SEC24B: variants seen among roughly 807,000 people sequenced by gnomAD.
The protein encoded by SEC24B is SEC24 homolog B, COPII component, also known as protein transport protein Sec24B.
Under a neutral mutation model 142.8 loss-of-function variants are expected in SEC24B, and 45 were observed. The ratio of observed to expected loss-of-function variants is 0.32; its 90% CI spans 0.25 to 0.40. The LOEUF (loss-of-function observed/expected upper bound fraction) is 0.40. SEC24B is among the 10% of genes least tolerant of loss of function. The pLI, the probability that SEC24B is intolerant of heterozygous loss-of-function variation, is 1.00. For synonymous variants in SEC24B, 574 were observed against 568.2 expected (o/e 1.01, Z -0.15); for missense variants, 1,409 against 1,526.8 (o/e 0.92, Z 1.29).
chr4:109,446,399 G>C (rs1416539080), intron 1 of SEC24B, among the ~76,000 whole-genome samples: 2 of 152,234 alleles, frequency 1.3e-5, no homozygotes, highest in Admixed American at 6.5e-5. Context: ...TGTCTCTTCA[G>C]AGTGTCCAAA....
At chr4:109,452,409 G>A (rs748030850) in intron 1 of SEC24B, among the ~76,000 whole-genome samples, 2 of 152,190 alleles carry the variant, frequency 1.3e-5, no homozygotes, top group Non-Finnish European at 2.9e-5. Context: ...CTGTGTGAAC[G>A]CAAGTTTGCA....
chr4:109,510,092 A>G lies in SEC24B; in HGVS notation c.1757A>G (p.His586Arg), dbSNP rs1328106798. The change falls in exon 8 of 24, where the codon CAT becomes CGT. Residue 586 changes from histidine to arginine, a missense_variant. His to Arg is a conservative substitution (Grantham distance 29). Around this residue, in one of 2 missense-constraint regions of SEC24B, gnomAD observed 700 missense variants for 853.3 expected, o/e 0.82. Transcript: ENST00000265175. ...KAKLPLGLLL[H>R]PFRDLTQLPV... Reference sequence around the variant, plus strand: ...AAGCTTCCTTTAGGATTGTTGTTACATCCCTTCAGAGACCTAACGGTAAAG... The same window carrying G: ...AAGCTTCCTTTAGGATTGTTGTTACGTCCCTTCAGAGACCTAACGGTAAAG... 6.2e-7 allele frequency: 1 copy of G among 1,600,886 alleles called. No individual in the cohort carries two copies. Among genetic ancestry groups the G allele is most frequent in the African/African-American group, 1.3e-5 (1 of 74,498 alleles).
At chr4:109,434,941 G>T (rs1005974804) in intron 1 of SEC24B, among the ~76,000 whole-genome samples, 5 of 152,214 alleles carry the variant, frequency 3.3e-5, no homozygotes, top group Non-Finnish European at 7.3e-5. Context: ...TAGGGGCCAA[G>T]GGTGGAGGAA....
chr4:109,463,179 GCAT>G lies in SEC24B; in HGVS notation c.414_416del (p.Ser140del). 6.2e-7 allele frequency: 1 copy of G among 1,614,160 alleles called. No homozygotes were observed. On this transcript the variant is annotated inframe_deletion, in exon 2 of 24. Transcript: ENST00000265175. ...CACTCTAGGATCTTTCCAAGGTGCT[GCAT>G]CGTCAGCATCCCATTTGCATACGAG...
intron 2 of SEC24B, among the ~76,000 whole-genome samples, chr4:109,472,416 C>T (rs527286101): frequency 6.6e-6 from 1 of 152,270 alleles, no homozygotes; most frequent in South Asian, 2.1e-4. Context: ...GCACTTTATT[C>T]CAGAAGTTCA....
Position 109,463,029 on chromosome 4 carries a change from G to A in SEC24B, c.262G>A (p.Gly88Ser), listed in dbSNP as rs755833176. ...CTCATTGCCATTGGATACCCAGTGT[G>A]GTGATTACTACTCTGCTCTCTATAC... ...MTSLPLDTQC[G>S]DYYSALYTVP... is the part of the protein sequence containing the mutation. Residue 88 changes from glycine to serine, a missense_variant, in exon 2 of 24, where the codon GGT becomes AGT. Physicochemically the swap from Gly to Ser is moderately conservative, Grantham distance 56. This residue lies in a region of SEC24B where 709 missense variants were observed against 673.5 expected (regional missense o/e 1.05). Coordinates refer to ENST00000265175, the MANE Select transcript of SEC24B (RefSeq NM_006323.5). 8 of 1,614,074 alleles carry A rather than the reference G, an allele frequency of 5.0e-6. No individual in the cohort carries two copies. Among genetic ancestry groups the A allele is most frequent in the Non-Finnish European group, 5.9e-6 (7 of 1,179,970 alleles).
At position 109,531,467 on chromosome 4, in the gene SEC24B, A is replaced by G; in HGVS notation, c.3335A>G (p.His1112Arg). The G allele has an allele frequency of 1.2e-6, 2 of 1,611,586 alleles. No individual in the cohort carries two copies. Among genetic ancestry groups the G allele is most frequent in the Non-Finnish European group, 1.7e-6 (2 of 1,177,668 alleles). Reference protein sequence around the residue: ...MCQIKSQPLVHLMKMIHPNLY... With the variant: ...MCQIKSQPLVRLMKMIHPNLY... ...CAGATAAAGTCTCAGCCACTTGTTC[A>G]TCTAATGAAAATGATTCATCCCAAC... The change falls in exon 20 of 24, where the codon CAT (histidine) becomes CGT (arginine). Residue 1112 changes from histidine (H) to arginine (R), a missense_variant. His to Arg is a conservative substitution (Grantham distance 29). Coordinates refer to ENST00000265175, the MANE Select transcript of SEC24B (RefSeq NM_006323.5).
chr4:109,503,162 C>CGA, intron 6 of SEC24B, among the ~76,000 whole-genome samples: 1 of 150,686 alleles, frequency 6.6e-6, no homozygotes, highest in African/African-American at 2.4e-5. Flanking sequence ...CAGATTCAAG[C>CGA]GATTCTCCTG....
At chr4:109,503,387 A>G (rs974888026) in intron 6 of SEC24B, among the ~76,000 whole-genome samples, 2 of 151,852 alleles carry the variant, frequency 1.3e-5, no homozygotes, top group African/African-American at 2.4e-5. Context: ...CACCACACCC[A>G]GCTAATTTTT....
At chr4:109,438,364 A>G (rs548433450) in intron 1 of SEC24B, among the ~76,000 whole-genome samples, 8 of 152,198 alleles carry the variant, frequency 5.3e-5, no homozygotes, top group Non-Finnish European at 1.2e-4. Context: ...CCCAAGCTGG[A>G]GTACAGTGTT....
chr4:109,485,400 AAAG>A (rs1256874342), intron 4 of SEC24B, among the ~76,000 whole-genome samples: 1 of 152,206 alleles, frequency 6.6e-6, no homozygotes, highest in Non-Finnish European at 1.5e-5. Context: ...AAAGTATGAA[AAAG>A]AAGGTGTCTT....
chr4:109,453,470 T>A, intron 1 of SEC24B, among the ~76,000 whole-genome samples: 1 of 108,034 alleles, frequency 9.3e-6, no homozygotes, highest in Middle Eastern at 6.9e-3. Flanking sequence ...GAATGGCTGT[T>A]AATTATTAAT....
chr4:109,489,643 G>GATACATTATA (rs1554002628), intron 4 of SEC24B, among the ~76,000 whole-genome samples: 1 of 142,336 alleles, frequency 7.0e-6, no homozygotes, highest in African/African-American at 2.7e-5. Flanking sequence ...GTATATATAT[G>GATACATTATA]ATATATATGG....
At chr4:109,509,916 C>T in intron 7 of SEC24B, 93 bp from the exon 8 acceptor site, 1 of 699,916 alleles carries the variant, frequency 1.4e-6, no homozygotes. Context: ...ATGATTTTCA[C>T]TTATGTCCTT....
chr4:109,479,104 A>G (rs1460587202), intron 3 of SEC24B, among the ~76,000 whole-genome samples: 1 of 152,226 alleles, frequency 6.6e-6, no homozygotes, highest in Non-Finnish European at 1.5e-5. Flanking sequence ...GTTCTCCTGG[A>G]AAGATTTGCC....
chr4:109,491,793 C>T (rs905111646), intron 5 of SEC24B, among the ~76,000 whole-genome samples: 2 of 152,112 alleles, frequency 1.3e-5, no homozygotes, highest in African/African-American at 4.8e-5. Flanking sequence ...TTTGCTCCCT[C>T]AATGGCTTCT....
chr4:109,436,750 G>A (rs1728443548), intron 1 of SEC24B, among the ~76,000 whole-genome samples: 1 of 152,196 alleles, frequency 6.6e-6, no homozygotes, highest in African/African-American at 2.4e-5. Context: ...CCCTTTGAAG[G>A]GGAGTGGATA....
chr4:109,445,400 C>T (rs7674196), intron 1 of SEC24B, among the ~76,000 whole-genome samples: 17,240 of 131,156 alleles, frequency 0.13, 3,370 homozygotes, highest in African/African-American at 0.43. Context: ...CCCGCCACCA[C>T]GCCCAGCTAA....
At chr4:109,456,699 A>G (rs1013394528) in intron 1 of SEC24B, among the ~76,000 whole-genome samples, 2 of 152,202 alleles carry the variant, frequency 1.3e-5, no homozygotes, top group African/African-American at 4.8e-5. Flanking sequence ...ATCACATTGA[A>G]TGTATTTCAA....
Sources: gnomAD v4.1 joint callset for allele counts (sites outside exome capture counted in the v4.1 genomes callset) on GRCh38, gnomAD v4.1.1 for gene constraint, gnomAD v4.1.1 regional missense constraint, MANE v1.5 for transcripts, NCBI Gene and HGNC (gene_info 2026-07-23, HGNC 2026-07-21) for gene names.